The following CDC14A variants were observed in gnomAD, a reference collection of about 807,000 sequenced individuals.
CDC14A encodes dual specificity protein phosphatase CDC14A.
A neutral mutation model predicts 74.4 loss-of-function variants in CDC14A; 53 were observed. That is an observed-to-expected ratio of 0.71 (90% CI 0.57 to 0.89). CDC14A has a LOEUF of 0.89. Ranked by LOEUF, CDC14A falls within the 40% of genes least tolerant of loss-of-function variation. The pLI, the probability that CDC14A is intolerant of heterozygous loss-of-function variation, is 0.00. For missense variants in CDC14A, 646 were observed against 713.7 expected (o/e 0.91, Z 1.08); for synonymous variants, 247 against 258.4 (o/e 0.96, Z 0.43).
At chr1:100,434,351 A>G (rs1452123979) in intron 5 of CDC14A, among the ~76,000 whole-genome samples, 2 of 152,162 alleles carry the variant, frequency 1.3e-5, no homozygotes, top group African/African-American at 4.8e-5. Context: ...CCCAGTGGCT[A>G]CTGGGGAGCT....
At chr1:100,424,839 T>C (rs1439995039) in intron 5 of CDC14A, among the ~76,000 whole-genome samples, 2 of 152,180 alleles carry the variant, frequency 1.3e-5, no homozygotes, top group African/African-American at 2.4e-5. Context: ...AAAGAAGATC[T>C]TTTAAAAATT....
At chr1:100,388,991 A>G (rs971606548) in intron 3 of CDC14A, among the ~76,000 whole-genome samples, 5 of 152,070 alleles carry the variant, frequency 3.3e-5, no homozygotes, top group African/African-American at 1.2e-4. Context: ...CCTGGACAAC[A>G]TGGTAAGACC....
chr1:100,507,784 A>G (rs1346658810), intron 15 of CDC14A, among the ~76,000 whole-genome samples: 2 of 152,090 alleles, frequency 1.3e-5, no homozygotes, highest in African/African-American at 4.8e-5. Flanking sequence ...GGTTCAAGTG[A>G]ATCTCCTGCC....
At chr1:100,472,567 A>T (rs1668495082) in intron 10 of CDC14A, among the ~76,000 whole-genome samples, 1 of 152,122 alleles carries the variant, frequency 6.6e-6, no homozygotes, top group African/African-American at 2.4e-5. Flanking sequence ...TTTACAGAAT[A>T]AAAGTTTTAA....
intron 3 of CDC14A, among the ~76,000 whole-genome samples, chr1:100,386,165 T>TAAA (rs559078931): frequency 0.011 from 1,527 of 140,722 alleles, 22 homozygotes; most frequent in African/African-American, 0.038. Context: ...AGATAGTATT[T>TAAA]AAAAAAAAAA....
intron 15 of CDC14A, among the ~76,000 whole-genome samples, chr1:100,504,273 A>C (rs963740225): frequency 4.6e-5 from 7 of 152,218 alleles, no homozygotes; most frequent in Admixed American, 2.0e-4. Context: ...AAACATTTGC[A>C]GGGATATTCT....
intron 2 of CDC14A, chr1:100,363,319 T>C (rs1653055753): frequency 6.6e-6 from 1 of 152,240 alleles, no homozygotes. Flanking sequence ...TACAGGCTGC[T>C]GTTTGTTAAA....
intron 4 of CDC14A, among the ~76,000 whole-genome samples, chr1:100,412,687 C>T (rs191763101): frequency 4.4e-4 from 35 of 79,114 alleles, no homozygotes; most frequent in Non-Finnish European, 6.4e-4. Context: ...GGTGAACTTC[C>T]TGTATGTTTT....
chr1:100,461,818 T>G (rs1342528290), intron 8 of CDC14A, among the ~76,000 whole-genome samples: 6 of 152,210 alleles, frequency 3.9e-5, no homozygotes, highest in African/African-American at 1.2e-4. Context: ...AAATTTATAT[T>G]TTAATTGATA....
rs746487538 is a variant in CDC14A, at chr1:100,461,215, T to TC, written c.608-1434dup. Among the ~76,000 whole-genome samples, 545 of 152,270 alleles carry TC rather than the reference T, an allele frequency of 3.6e-3. 8 individuals are homozygous for TC. The highest frequency in any genetic ancestry group is 6.2e-3 in the Non-Finnish European group (425 of 68,020). ...GCCAGGAGGACAGGAAGAATTCCCT[T>TC]CCTCCTCCTCAGGTTGAGGTTTAGT... On this transcript the variant is annotated intron_variant, in intron 8 of 15. Transcript: ENST00000336454.
chr1:100,454,717 T>A (rs17122552), intron 7 of CDC14A, among the ~76,000 whole-genome samples: 45,566 of 151,694 alleles, frequency 0.3, 9,758 homozygotes, highest in African/African-American at 0.61. Context: ...AAAAAGAGAG[T>A]TTTCACATGA....
chr1:100,511,099 C>T (rs908721050), intron 15 of CDC14A, among the ~76,000 whole-genome samples: 2 of 151,864 alleles, frequency 1.3e-5, no homozygotes, highest in Non-Finnish European at 2.9e-5. Flanking sequence ...CTGTTCTTTC[C>T]AGAATCTTTC....
At chr1:100,397,114 A>C (rs114039233) in intron 4 of CDC14A, among the ~76,000 whole-genome samples, 1 of 152,078 alleles carries the variant, frequency 6.6e-6, no homozygotes, top group South Asian at 2.1e-4. Context: ...TCTTCTTCCA[A>C]TGTGGCCCAG....
At chr1:100,371,949 C>T (rs1408211304) in intron 2 of CDC14A, among the ~76,000 whole-genome samples, 2 of 152,136 alleles carry the variant, frequency 1.3e-5, no homozygotes, top group African/African-American at 2.4e-5. Flanking sequence ...TATACACAGG[C>T]ATACTGTGGA....
chr1:100,431,091 C>G (rs533014479), intron 5 of CDC14A, among the ~76,000 whole-genome samples: 3 of 152,056 alleles, frequency 2.0e-5, no homozygotes, highest in African/African-American at 7.2e-5. Flanking sequence ...TAAGTGTACC[C>G]CCATGAAAAA....
chr1:100,489,177 C>T (rs1670363875), intron 11 of CDC14A, among the ~76,000 whole-genome samples: 1 of 152,154 alleles, frequency 6.6e-6, no homozygotes, highest in Non-Finnish European at 1.5e-5. Flanking sequence ...CTCATAGGTT[C>T]AACATCTGAG....
At chr1:100,499,391 C>G in intron 15 of CDC14A, 129 bp downstream of exon 15, 3 of 1,597,012 alleles carry the variant, frequency 1.9e-6, no homozygotes, top group Non-Finnish European at 1.7e-6. Flanking sequence ...CGATGCCTTC[C>G]CTCTGTGCTG....
At chr1:100,449,414 A>G (rs1306063100) in intron 7 of CDC14A, among the ~76,000 whole-genome samples, 1 of 152,156 alleles carries the variant, frequency 6.6e-6, no homozygotes, top group Non-Finnish European at 1.5e-5. Flanking sequence ...TTACTACAGC[A>G]CAGAAGGCCC....
chr1:100,363,829 C>G (rs374397737), intron 2 of CDC14A, among the ~76,000 whole-genome samples: 2 of 152,232 alleles, frequency 1.3e-5, no homozygotes, highest in Admixed American at 6.5e-5. Flanking sequence ...TTACGGAAAC[C>G]TTTCTAAAAT....
Sources: allele counts gnomAD v4.1 joint callset (sites outside exome capture counted in the v4.1 genomes callset), GRCh38; gene constraint gnomAD v4.1.1; transcripts MANE v1.5; gene names NCBI Gene and HGNC (gene_info 2026-07-23, HGNC 2026-07-21).